ITGAM: variants seen among roughly 807,000 people sequenced by gnomAD.
The protein encoded by ITGAM is integrin subunit alpha M, also known as integrin alpha-M.
Under a neutral mutation model 137.5 loss-of-function variants are expected in ITGAM, and 79 were observed. That is an observed-to-expected ratio of 0.57 (90% confidence interval 0.48 to 0.69). The LOEUF (loss-of-function observed/expected upper bound fraction) is 0.69, where lower values mean the gene tolerates loss of function less well. Ranked by LOEUF, ITGAM falls within the 30% of genes least tolerant of loss-of-function variation. ITGAM has a pLI of 0.00. For missense variants in ITGAM, 1,343 were observed against 1,483.5 expected (o/e 0.91, Z 1.56); for synonymous variants, 583 against 592.3 (o/e 0.98, Z 0.23).
At chr16:31,261,602 C>A in intron 1 of ITGAM, 90 bp from the exon 2 acceptor site, 1 of 749,982 alleles carries the variant, frequency 1.3e-6, no homozygotes, top group South Asian at 1.6e-5. Context: ...AAGTGATCCT[C>A]CTGCCTCAGC....
At chr16:31,299,975 C>T (rs1318883828) in intron 14 of ITGAM, among the ~76,000 whole-genome samples, 1 of 152,098 alleles carries the variant, frequency 6.6e-6, no homozygotes, top group Non-Finnish European at 1.5e-5. Context: ...CCTCCCACCT[C>T]AGTCTCCTGA....
intron 12 of ITGAM, among the ~76,000 whole-genome samples, chr16:31,286,809 C>T (rs1269213004): frequency 6.6e-6 from 1 of 152,152 alleles, no homozygotes; most frequent in Non-Finnish European, 1.5e-5. Context: ...TCTGTTTACT[C>T]TGTTGATAGT....
chr16:31,329,758 G>A lies in ITGAM; in HGVS notation c.2869-40G>A, dbSNP rs904642412. The A allele has an allele frequency of 2.5e-5, 38 of 1,514,424 alleles. 1 individual carries two copies. In the Middle Eastern group the frequency reaches 1.1e-3, roughly 42 times the overall value. 93.8% of individuals were successfully genotyped at this position (1,514,424 alleles called of 1,614,324 possible). On this transcript the variant is annotated intron_variant, in intron 24 of 29. Coordinates refer to ENST00000544665, the MANE Select transcript of ITGAM (RefSeq NM_000632.4). ...AGGCTGATTCTCCAGGCTGGTGGGG[G>A]AGGAAGGCCAGAGCCCTGACCCCGC... is the stretch of plus-strand genomic sequence containing the variant.
intron 9 of ITGAM, 60 bp from the exon 10 acceptor site, chr16:31,276,611 C>T (rs1249316501): frequency 2.7e-5 from 33 of 1,233,756 alleles, no homozygotes; most frequent in Non-Finnish European, 3.3e-5. Flanking sequence ...GGATTACAGG[C>T]GTGAGCCACC....
chr16:31,269,936 G>C (rs916669453), intron 5 of ITGAM, among the ~76,000 whole-genome samples: 1 of 152,196 alleles, frequency 6.6e-6, no homozygotes, highest in African/African-American at 2.4e-5. Flanking sequence ...ACAGAGTCCT[G>C]GTGATGGGGT....
chr16:31,260,338 A>C (rs2079685355), intron 1 of ITGAM, among the ~76,000 whole-genome samples: 1 of 152,158 alleles, frequency 6.6e-6, no homozygotes, highest in South Asian at 2.1e-4. Context: ...CTTGCTTCAC[A>C]CATGAGGAGA....
At position 31,275,592 on chromosome 16, in the gene ITGAM, A is replaced by G; in HGVS notation, c.902A>G (p.Asn301Ser). ...AGTGAGAAATCCCGCCAAGAGCTTA[A>G]TACCATCGCATCCAAGCCGCCTCGT... is the stretch of plus-strand genomic sequence containing the variant. ...FRSEKSRQEL[N>S]TIASKPPRDH... Residue 301 changes from asparagine to serine, a missense_variant, in exon 9 of 30, where the codon AAT becomes AGT. Coordinates refer to ENST00000544665, the MANE Select transcript of ITGAM (RefSeq NM_000632.4). 6.2e-7 allele frequency: 1 copy of G among 1,614,002 alleles called. No homozygotes were observed. The highest frequency in any genetic ancestry group is 8.5e-7 in the Non-Finnish European group (1 of 1,179,880).
rs751308561 is a variant in ITGAM at position 31,331,152 on chromosome 16, C to T, written c.3277-13C>T. The T allele has an allele frequency of 2.7e-6, 4 of 1,493,074 alleles. No homozygotes were observed. The Admixed American group carries it at 6.8e-5, about 25-fold the overall frequency. The allele number at this position is 1,493,074 out of a possible 1,614,324, so 92.5% of individuals were successfully genotyped here. A position where few individuals can be genotyped will look rare whatever the true frequency, so the allele number is the denominator to read the frequency against. On this transcript the variant is annotated splice_polypyrimidine_tract_variant and intron_variant, in intron 28 of 29. Coordinates refer to ENST00000544665, the MANE Select transcript of ITGAM (RefSeq NM_000632.4). ...AGAGTCGTCTCCCCTGACGCCCCTC[C>T]TTCCTCCCCCAGACGGAGACCAAAG...
At position 31,297,800 on chromosome 16, in the gene ITGAM, G is replaced by T. The variant is rs1409723342; in HGVS notation, c.1553G>T (p.Gly518Val). Residue 518 changes from glycine (G) to valine (V), a missense_variant, in exon 14 of 30, where the codon GGC (glycine) becomes GTC (valine). By Grantham distance (109) the Gly-to-Val change is moderately radical. Transcript: ENST00000544665. ...VLYGEQGQPW[G>V]RFGAALTVLG... is the part of the protein sequence containing the mutation. ...TACGGGGAGCAGGGCCAACCCTGGG[G>T]CCGCTTTGGGGCAGCCCTAACAGTG... 6.2e-7 allele frequency: 1 copy of T among 1,609,014 alleles called. No homozygotes were observed. The highest frequency in any genetic ancestry group is 8.5e-7 in the Non-Finnish European group (1 of 1,178,290).
chr16:31,298,329 G>A (rs1431614515), intron 14 of ITGAM, among the ~76,000 whole-genome samples: 1 of 152,036 alleles, frequency 6.6e-6, no homozygotes, highest in Middle Eastern at 3.2e-3. Context: ...AGTGAGTCCT[G>A]GTCACACCAC....
chr16:31,298,810 T>A (rs1198040787), intron 14 of ITGAM, among the ~76,000 whole-genome samples: 1 of 150,784 alleles, frequency 6.6e-6, no homozygotes, highest in African/African-American at 2.5e-5. Context: ...CAACAAGGGG[T>A]CCTACGTTTT....
In ITGAM at chr16:31,331,203, C is replaced by T. The variant is rs998610263; in HGVS notation, c.3315C>T (p.Pro1105=). 1.9e-6 allele frequency: 3 copies of T among 1,613,386 alleles called. No individual in the cohort carries two copies. The highest frequency in any genetic ancestry group is 1.3e-5 in the African/African-American group (1 of 74,924). Reference sequence around the variant, plus strand: ...TGGAGCCGTTCGAGGTCCCCAACCCCCTGCCGCTCATCGTGGGCAGCTCTG... The same window carrying T: ...TGGAGCCGTTCGAGGTCCCCAACCCTCTGCCGCTCATCGTGGGCAGCTCTG... ...TKVEPFEVPN[P]LPLIVGSSVG... The change falls in exon 29 of 30, where the codon CCC becomes CCT. Residue 1105 remains proline, a synonymous_variant. Coordinates refer to ENST00000544665, the MANE Select transcript of ITGAM (RefSeq NM_000632.4).
In ITGAM at chr16:31,273,363, A is replaced by G; in HGVS notation, c.705-2A>G. The stretch of plus-strand genomic sequence containing the variant: ...ACTTTGTCCCTCCTGTTTCCTGCAC[A>G]GACGAGAGCTGTTTAACATCACCAA... On this transcript the variant is annotated splice_acceptor_variant, in intron 7 of 29. Coordinates refer to ENST00000544665, the MANE Select transcript of ITGAM (RefSeq NM_000632.4). LOFTEE classifies it high-confidence loss of function. The G allele has an allele frequency of 6.2e-7, 1 of 1,612,638 alleles. No homozygotes were observed. The highest frequency in any genetic ancestry group is 8.5e-7 in the Non-Finnish European group (1 of 1,179,300).
At chr16:31,312,774 T>C (rs1202088459) in intron 14 of ITGAM, among the ~76,000 whole-genome samples, 4 of 152,030 alleles carry the variant, frequency 2.6e-5, no homozygotes, top group African/African-American at 9.7e-5. Context: ...TTCCCAGAGA[T>C]CTTGATCTGC....
At position 31,330,291 on chromosome 16, in the gene ITGAM, C is replaced by T; in HGVS notation, c.3061-17C>T. The stretch of plus-strand genomic sequence containing the variant: ...TTCGGCTTCCTTACCCGTCCCCTCC[C>T]CTCCTGCGTTCCCCAGAACTGCTCC... On this transcript the variant is annotated splice_polypyrimidine_tract_variant and intron_variant, in intron 26 of 29. Transcript: ENST00000544665. The T allele has an allele frequency of 6.2e-7, 1 of 1,605,482 alleles. No homozygotes were observed. The highest frequency in any genetic ancestry group is 8.5e-7 in the Non-Finnish European group (1 of 1,172,218).
chr16:31,272,436 TA>T (rs1709641726), intron 7 of ITGAM, among the ~76,000 whole-genome samples: 1 of 6,250 alleles, frequency 1.6e-4, no homozygotes, highest in Non-Finnish European at 3.9e-4. Context: ...TATATATATA[TA>T]TATATATATA....
At chr16:31,262,329 TC>T (rs1392709510) in intron 2 of ITGAM, among the ~76,000 whole-genome samples, 20 of 124,876 alleles carry the variant, frequency 1.6e-4, no homozygotes, top group African/African-American at 4.5e-4. Context: ...CTCCCTTCCC[TC>T]CCTTCCATCC....
At chr16:31,270,699 G>GTGTATATATATA (rs1477833816) in intron 5 of ITGAM, among the ~76,000 whole-genome samples, 84 of 25,958 alleles carry the variant, frequency 3.2e-3, no homozygotes, top group East Asian at 4.8e-3. Flanking sequence ...GTGTGTGTGT[G>GTGTATATATATA]TATATATATA....
chr16:31,299,961 C>T (rs1263206118), intron 14 of ITGAM, among the ~76,000 whole-genome samples: 2 of 151,970 alleles, frequency 1.3e-5, no homozygotes, highest in African/African-American at 4.8e-5. Context: ...TGGGCTCAAG[C>T]GACCCTCCCA....
Sources: gnomAD v4.1 joint callset for allele counts (sites outside exome capture counted in the v4.1 genomes callset) on GRCh38, gnomAD v4.1.1 for gene constraint, MANE v1.5 for transcripts, NCBI Gene and HGNC (gene_info 2026-07-23, HGNC 2026-07-21) for gene names.